PROSER2: variants seen among roughly 807,000 people sequenced by gnomAD.
The protein encoded by PROSER2 is proline and serine rich 2.
In PROSER2, 18 loss-of-function variants were observed where a neutral mutation model predicts 14.6. That is an observed-to-expected ratio of 1.23 (90% confidence interval 0.85 to 1.83). The LOEUF is 1.83. Among genes scored for constraint, PROSER2 ranks in the 40% most tolerant of loss-of-function variants. The probability of loss-of-function intolerance (pLI) is 0.00; values close to 1 mark genes in which losing one functional copy is unlikely to be tolerated. For missense variants in PROSER2, 823 were observed against 629.8 expected (o/e 1.31, Z -3.28); for synonymous variants, 367 against 286.4 (o/e 1.28, Z -2.84).
chr10:11,869,817 CG>C lies in PROSER2; in HGVS notation c.723del (p.Ser243AlafsTer110). On this transcript the variant is annotated frameshift_variant, in exon 4 of 4. Transcript: ENST00000277570. LOFTEE classifies it low-confidence loss of function (END_TRUNC). This position sits in a 1 kb window ranked among gnomAD's most constrained non-coding sequence, Gnocchi z 4.4. ...GGGCCCCGCAGTGGAGACCCTGGCCCGGGGCCCAGCCACCCGGCGCAGCCCA... is the reference window on the plus strand; with the variant it reads ...GGGCCCCGCAGTGGAGACCCTGGCCCGGGCCCAGCCACCCGGCGCAGCCCA... ...ARGPRSGDPG[P>X]GPSHPAQPKA... The C allele has an allele frequency of 1.3e-6, 2 of 1,565,418 alleles. No individual in the cohort carries two copies. Among genetic ancestry groups the C allele is most frequent in the Non-Finnish European group, 1.7e-6 (2 of 1,158,700 alleles).
rs983046643 is a variant in PROSER2, at chr10:11,837,133, T to C, written c.-82+13663T>C. ...GAAGCAGAAGAGGCATGATGCTGGC[T>C]GGTAATTTGTATATGCTGAAGAGAA... On this transcript the variant is annotated intron_variant, in intron 1 of 3. Coordinates refer to ENST00000277570, the MANE Select transcript of PROSER2 (RefSeq NM_153256.4). This position sits in a 1 kb window ranked among gnomAD's most constrained non-coding sequence, Gnocchi z 4.6. 6.6e-6 allele frequency among the ~76,000 whole-genome samples: 1 copy of C among 152,082 alleles called. No individual in the cohort carries two copies. Among genetic ancestry groups the C allele is most frequent in the Admixed American group, 6.6e-5 (1 of 15,262 alleles).
rs1298924284 is a variant in PROSER2 at position 11,830,793 on chromosome 10, T to C, written c.-82+7323T>C. Among the ~76,000 whole-genome samples, 4 of 152,238 alleles carry C rather than the reference T, an allele frequency of 2.6e-5. No homozygotes were observed. The highest frequency in any genetic ancestry group is 6.5e-5 in the Admixed American group (1 of 15,288). The stretch of plus-strand genomic sequence containing the variant: ...AAATGTGCTAAAAACCCCTGCTTTC[T>C]CTCTGCCCTATTAAAACTGGGTAAT... On this transcript the variant is annotated intron_variant, in intron 1 of 3. Transcript: ENST00000277570. This position sits in a 1 kb window ranked among gnomAD's most constrained non-coding sequence, Gnocchi z 4.5.
chr10:11,863,942 C>T (rs984931472), intron 2 of PROSER2, among the ~76,000 whole-genome samples: 6 of 152,150 alleles, frequency 3.9e-5, no homozygotes, highest in Admixed American at 3.3e-4. Flanking sequence ...ACTTGCTGAG[C>T]GCACAGGTGG....
chr10:11,863,300 T>C (rs561573448), intron 2 of PROSER2, among the ~76,000 whole-genome samples: 64 of 152,172 alleles, frequency 4.2e-4, no homozygotes, highest in Non-Finnish European at 8.2e-4. Flanking sequence ...AGGTGGGCAT[T>C]TGAATACCTC....
chr10:11,851,796 T>A, intron 1 of PROSER2: 1 of 259,780 alleles, frequency 3.8e-6, no homozygotes, highest in Admixed American at 5.4e-5. Context: ...AAATTATTCT[T>A]ATGTGTTCAG....
At position 11,830,851 on chromosome 10, in the gene PROSER2, G is replaced by A. The variant is rs1833681199; in HGVS notation, c.-82+7381G>A. Reference sequence around the variant, plus strand: ...TGCCCACAGGCTTGGATTGACTTGAGGAATTTGCTAGCAGGTTCCCCAGAG... The same window carrying A: ...TGCCCACAGGCTTGGATTGACTTGAAGAATTTGCTAGCAGGTTCCCCAGAG... On this transcript the variant is annotated intron_variant, in intron 1 of 3. Transcript: ENST00000277570. The surrounding 1 kb of genome is among the most constrained non-coding windows in gnomAD (Gnocchi z 4.5). Among the ~76,000 whole-genome samples the A allele has an allele frequency of 6.6e-6, 1 of 152,180 alleles. No homozygotes were observed. The highest frequency in any genetic ancestry group is 2.4e-5 in the African/African-American group (1 of 41,434).
At chr10:11,855,901 GT>G (rs1834114994) in intron 2 of PROSER2, among the ~76,000 whole-genome samples, 1 of 152,190 alleles carries the variant, frequency 6.6e-6, no homozygotes, top group Non-Finnish European at 1.5e-5. Context: ...TGAACATGAA[GT>G]TTTTATTTCT....
At chr10:11,857,808 CT>C (rs1360874720) in intron 2 of PROSER2, among the ~76,000 whole-genome samples, 3 of 151,826 alleles carry the variant, frequency 2.0e-5, no homozygotes, top group African/African-American at 7.3e-5. Context: ...GCCGCGCCCA[CT>C]TCGGCAACCT....
At chr10:11,824,991 T>C (rs1833591881) in intron 1 of PROSER2, among the ~76,000 whole-genome samples, 2 of 152,182 alleles carry the variant, frequency 1.3e-5, no homozygotes, top group African/African-American at 4.8e-5. Flanking sequence ...CCGTGACTGG[T>C]CGTCCAGCAT....
At chr10:11,834,145 C>CCACCA (rs916887644) in intron 1 of PROSER2, among the ~76,000 whole-genome samples, 2 of 151,744 alleles carry the variant, frequency 1.3e-5, no homozygotes, top group African/African-American at 4.8e-5. Context: ...CAGGCACTCA[C>CCACCA]CACCACACCC....
rs920411259 is a variant in PROSER2 at position 11,871,660 on chromosome 10, A to G, written c.*1254A>G. On this transcript the variant is annotated 3_prime_UTR_variant, in exon 4 of 4. Coordinates refer to ENST00000277570, the MANE Select transcript of PROSER2 (RefSeq NM_153256.4). ...TATGTCTTACACGCTGAGTTATGCC[A>G]CAAGCGTTATCATCAAAACTATTTA... 2 of 152,240 alleles carry G rather than the reference A, an allele frequency of 1.3e-5. No individual in the cohort carries two copies. Among genetic ancestry groups the G allele is most frequent in the Admixed American group, 1.3e-4 (2 of 15,286 alleles). 9.4% of individuals were successfully genotyped at this position (152,240 alleles called of 1,614,324 possible).
At chr10:11,851,457 C>T (rs1354174168) in intron 1 of PROSER2, 1 of 152,222 alleles carries the variant, frequency 6.6e-6, no homozygotes, top group Non-Finnish European at 1.5e-5. Context: ...TGTCACCTCC[C>T]CTCAAGTCTG....
intron 1 of PROSER2, among the ~76,000 whole-genome samples, chr10:11,847,962 A>G (rs1200789056): frequency 2.6e-5 from 4 of 152,216 alleles, no homozygotes; most frequent in Non-Finnish European, 4.4e-5. Context: ...AATAGTTAAG[A>G]TGTGCAGCAT....
chr10:11,833,528 T>C (rs1833716833), intron 1 of PROSER2, among the ~76,000 whole-genome samples: 1 of 151,834 alleles, frequency 6.6e-6, no homozygotes, highest in African/African-American at 2.4e-5. Flanking sequence ...CCATCTCTAC[T>C]CAAAATACAA....
Position 11,838,199 on chromosome 10 carries a change from C to T in PROSER2, c.-81-13798C>T, listed in dbSNP as rs984616486. Reference sequence around the variant, plus strand: ...TCAGGTCATGCCCCCGACACACACTCACCCCCCAGACTCACCAGTGGCATT... The same window carrying T: ...TCAGGTCATGCCCCCGACACACACTTACCCCCCAGACTCACCAGTGGCATT... On this transcript the variant is annotated intron_variant, in intron 1 of 3. Transcript: ENST00000277570. The surrounding 1 kb of genome is among the most constrained non-coding windows in gnomAD (Gnocchi z 4.4). Among the ~76,000 whole-genome samples, 5 of 152,094 alleles carry T rather than the reference C, an allele frequency of 3.3e-5. No homozygotes were observed. Among genetic ancestry groups the T allele is most frequent in the African/African-American group, 1.2e-4 (5 of 41,408 alleles).
chr10:11,845,152 T>C (rs1833905119), intron 1 of PROSER2, among the ~76,000 whole-genome samples: 1 of 152,168 alleles, frequency 6.6e-6, no homozygotes, highest in Non-Finnish European at 1.5e-5. Flanking sequence ...TGTCCCTGTG[T>C]GTGTGTGCAA....
intron 3 of PROSER2, among the ~76,000 whole-genome samples, chr10:11,867,510 G>C (rs923634545): frequency 6.6e-6 from 1 of 150,582 alleles, no homozygotes; most frequent in African/African-American, 2.5e-5. Flanking sequence ...TGTAGTCCCA[G>C]CTGGTCCAGA....
chr10:11,864,493 A>G (rs892017464), intron 2 of PROSER2, among the ~76,000 whole-genome samples: 3 of 152,164 alleles, frequency 2.0e-5, no homozygotes, highest in Non-Finnish European at 2.9e-5. Context: ...TTGCTACATA[A>G]TGCTCCCCTC....
rs557374873 is a variant in PROSER2, at chr10:11,843,128, G to C, written c.-81-8869G>C. Among the ~76,000 whole-genome samples the C allele has an allele frequency of 1.9e-4, 28 of 149,626 alleles. No individual in the cohort carries two copies. In the East Asian group the frequency reaches 5.2e-3, roughly 28 times the overall value. ...GCTAATTTTTTGTATTTTTAGTATA[G>C]ACGGGGTTTCACCATGTTAGCCAGG... On this transcript the variant is annotated intron_variant, in intron 1 of 3. Coordinates refer to ENST00000277570, the MANE Select transcript of PROSER2 (RefSeq NM_153256.4).
Sources: gnomAD v4.1 joint callset for allele counts (sites outside exome capture counted in the v4.1 genomes callset) on GRCh38, gnomAD v4.1.1 for gene constraint, Gnocchi (gnomAD v3.1) non-coding constraint, MANE v1.5 for transcripts, NCBI Gene and HGNC (gene_info 2026-07-23, HGNC 2026-07-21) for gene names.